SPAG17: variants seen among roughly 807,000 people sequenced by gnomAD.
SPAG17 encodes the protein sperm-associated antigen 17.
In SPAG17, 169 loss-of-function variants were observed where a neutral mutation model predicts 273.6. The ratio of observed to expected loss-of-function variants is 0.62; its 90% CI spans 0.55 to 0.70. The LOEUF (loss-of-function observed/expected upper bound fraction) is 0.70, where lower values mean the gene tolerates loss of function less well. SPAG17 is among the 30% of genes least tolerant of loss of function. The pLI is 0.00. For missense variants in SPAG17, 2,557 were observed against 2,627.8 expected, an observed-to-expected ratio of 0.97 and a Z score of 0.59; for synonymous variants, 825 against 873.2, an observed-to-expected ratio of 0.94 and a Z score of 0.97.
In SPAG17 at chr1:118,014,095, G is replaced by A. The variant is rs1040605229; in HGVS notation, c.4288-1723C>T. ...GACACAGTGTTGAGGTCTACATTCT[G>A]GCTCTACCATTTGCTGTGTGACCTT... On this transcript the variant is annotated intron_variant, in intron 29 of 48. Coordinates refer to ENST00000336338, the MANE Select transcript of SPAG17 (RefSeq NM_206996.4). 3.9e-5 allele frequency among the ~76,000 whole-genome samples: 6 copies of A among 152,232 alleles called. No individual in the cohort carries two copies. The South Asian group carries it at 1.0e-3, about 26-fold the overall frequency.
chr1:118,111,245 A>G (rs892060462), intron 4 of SPAG17, among the ~76,000 whole-genome samples: 14 of 152,244 alleles, frequency 9.2e-5, no homozygotes, highest in African/African-American at 3.1e-4. Context: ...GGACTACTCT[A>G]TTTTATGGAT....
intron 43 of SPAG17, among the ~76,000 whole-genome samples, chr1:117,976,418 T>C (rs1206109663): frequency 6.6e-6 from 1 of 152,174 alleles, no homozygotes; most frequent in Non-Finnish European, 1.5e-5. Context: ...TATTTCCCCA[T>C]TGAGGATGGC....
chr1:118,098,397 G>A (rs1209302309), intron 6 of SPAG17, among the ~76,000 whole-genome samples: 1 of 151,882 alleles, frequency 6.6e-6, no homozygotes, highest in Non-Finnish European at 1.5e-5. Context: ...ATAAAATTAT[G>A]CTTAAAAATT....
intron 1 of SPAG17, 92 bp from the exon 2 acceptor site, chr1:118,151,461 T>C (rs1659379644): frequency 1.6e-6 from 2 of 1,249,660 alleles, no homozygotes; most frequent in South Asian, 1.9e-5. Context: ...ATAATTTTCC[T>C]GTAAATCTTA....
chr1:118,047,931 T>C (rs1401349822), intron 20 of SPAG17, among the ~76,000 whole-genome samples: 5 of 152,168 alleles, frequency 3.3e-5, no homozygotes, highest in African/African-American at 1.2e-4. Context: ...AGGCCTGCTC[T>C]AGCAGACTGA....
intron 3 of SPAG17, among the ~76,000 whole-genome samples, chr1:118,128,376 T>C (rs1174309072): frequency 6.6e-6 from 1 of 152,220 alleles, no homozygotes; most frequent in Non-Finnish European, 1.5e-5. Flanking sequence ...TTTTCCAATT[T>C]TGATACCCTT....
At chr1:118,034,619 G>A (rs1648858318) in intron 24 of SPAG17, among the ~76,000 whole-genome samples, 2 of 152,330 alleles carry the variant, frequency 1.3e-5, no homozygotes, top group South Asian at 4.1e-4. Context: ...TGGTGCACAT[G>A]TCAGGAGAAA....
At chr1:118,086,828 C>G in intron 11 of SPAG17, 43 bp downstream of exon 11, 1 of 1,614,126 alleles carries the variant, frequency 6.2e-7, no homozygotes, top group Non-Finnish European at 8.5e-7. Context: ...AGGATCTATA[C>G]TTTTCCAAAG....
At chr1:118,055,078 A>G (rs1227409465) in intron 19 of SPAG17, among the ~76,000 whole-genome samples, 4 of 152,038 alleles carry the variant, frequency 2.6e-5, no homozygotes, top group Non-Finnish European at 4.4e-5. Flanking sequence ...TTCTTTATCA[A>G]GTATCTTTCT....
At chr1:118,012,510 C>T in intron 29 of SPAG17, 138 bp from the exon 30 acceptor site, 1 of 836,536 alleles carries the variant, frequency 1.2e-6, no homozygotes, top group African/African-American at 1.7e-5. Flanking sequence ...ATCTCATCTA[C>T]CTGATCTAAC....
At chr1:118,047,761 C>T (rs541170747) in intron 20 of SPAG17, among the ~76,000 whole-genome samples, 203 of 151,686 alleles carry the variant, frequency 1.3e-3, no homozygotes, top group Non-Finnish European at 2.4e-3. Flanking sequence ...CTGGCAAGTG[C>T]AAAACCTATC....
Position 117,982,785 on chromosome 1 carries a change from C to T in SPAG17, c.5872+1026G>A, listed in dbSNP as rs75020235. On this transcript the variant is annotated intron_variant, in intron 42 of 48. Transcript: ENST00000336338. ...AGCTGTTTTTTCCTCAATCAAGCAT[C>T]CAATCAAAGCTTAGGTTTCACATTC... Among the ~76,000 whole-genome samples, 632 of 152,278 alleles carry T rather than the reference C, an allele frequency of 4.2e-3. 3 individuals carry two copies. The highest frequency in any genetic ancestry group is 0.014 in the African/African-American group (600 of 41,540).
chr1:118,001,101 T>A (rs994545400), intron 32 of SPAG17, among the ~76,000 whole-genome samples: 2 of 152,210 alleles, frequency 1.3e-5, no homozygotes, highest in Non-Finnish European at 2.9e-5. Context: ...TGTTGTTGGT[T>A]CTGTTTATGT....
chr1:118,040,471 A>G (rs570193349), intron 22 of SPAG17, among the ~76,000 whole-genome samples: 1 of 152,290 alleles, frequency 6.6e-6, no homozygotes, highest in Non-Finnish European at 1.5e-5. Flanking sequence ...TACCAATTGT[A>G]TGGAAGTATT....
intron 43 of SPAG17, among the ~76,000 whole-genome samples, chr1:117,977,813 A>C (rs1655303888): frequency 1.3e-5 from 2 of 152,076 alleles, no homozygotes; most frequent in South Asian, 4.1e-4. Flanking sequence ...TACTTCTCCA[A>C]GTGGTTGTCA....
chr1:117,986,747 A>C (rs1225036419), intron 40 of SPAG17, among the ~76,000 whole-genome samples: 2 of 152,208 alleles, frequency 1.3e-5, no homozygotes, highest in Non-Finnish European at 2.9e-5. Flanking sequence ...TTCAGGGAAC[A>C]CTACCTTAAA....
chr1:118,036,244 G>T (rs374681437), intron 24 of SPAG17, among the ~76,000 whole-genome samples: 1 of 151,394 alleles, frequency 6.6e-6, no homozygotes, highest in Non-Finnish European at 1.5e-5. Context: ...GGAAGGAAGT[G>T]GGGTACAGAA....
At chr1:118,125,520 T>G (rs2102282917) in intron 3 of SPAG17, among the ~76,000 whole-genome samples, 1 of 152,288 alleles carries the variant, frequency 6.6e-6, no homozygotes, top group South Asian at 2.1e-4. Context: ...AACCTCTCCC[T>G]TTCTTCCCCT....
rs760384067 is a variant in SPAG17 at position 118,028,346 on chromosome 1, G to A, written c.3658C>T (p.Pro1220Ser). Residue 1220 changes from proline (P) to serine (S), a missense_variant, in exon 26 of 49, where the codon CCC becomes TCC. Coordinates refer to ENST00000336338, the MANE Select transcript of SPAG17 (RefSeq NM_206996.4). ...GACACATTTAGGCTCTGGAAGGTGGGAACATCCAAAGTCTCTTGTAAAACA... is the reference window on the plus strand; with the variant it reads ...GACACATTTAGGCTCTGGAAGGTGGAAACATCCAAAGTCTCTTGTAAAACA... ...EPVLQETLDV[P>S]TFQSLNVSCP... 2 of 1,613,796 alleles carry A rather than the reference G, an allele frequency of 1.2e-6. No homozygotes were observed. Among genetic ancestry groups the A allele is most frequent in the South Asian group, 2.2e-5 (2 of 91,038 alleles).
Sources: allele counts gnomAD v4.1 joint callset (sites outside exome capture counted in the v4.1 genomes callset), GRCh38; gene constraint gnomAD v4.1.1; transcripts MANE v1.5; gene names NCBI Gene and HGNC (gene_info 2026-07-23, HGNC 2026-07-21).